SLC22A2: variants seen among roughly 807,000 people sequenced by gnomAD.
The protein encoded by SLC22A2 is organic cation transporter 2.
SLC22A2 carries 46 observed loss-of-function variants against 60.5 expected under a neutral mutation model. That is an observed-to-expected ratio of 0.76 (90% CI 0.60 to 0.97). The LOEUF (loss-of-function observed/expected upper bound fraction) is 0.97, where lower values mean the gene tolerates loss of function less well. Ranked by LOEUF, SLC22A2 falls within the 50% of genes least tolerant of loss-of-function variation. The probability of loss-of-function intolerance (pLI) is 0.00; values close to 1 mark genes in which losing one functional copy is unlikely to be tolerated. For missense variants in SLC22A2, 701 were observed against 706.6 expected (o/e 0.99, Z 0.09); for synonymous variants, 303 against 267.0 (o/e 1.13, Z -1.31).
chr6:160,246,674 G>T (rs1016468656), intron 5 of SLC22A2, among the ~76,000 whole-genome samples: 4 of 152,160 alleles, frequency 2.6e-5, no homozygotes, highest in Non-Finnish European at 4.4e-5. Flanking sequence ...TTGAACCTGG[G>T]AAGTGGAGAT....
In SLC22A2 at chr6:160,241,542, C is replaced by T. The variant is rs771197232; in HGVS notation, c.1433G>A (p.Gly478Asp). The T allele has an allele frequency of 3.1e-5, 50 of 1,613,446 alleles. No homozygotes were observed. The highest frequency in any genetic ancestry group is 1.3e-4 in the Admixed American group (8 of 59,962). The part of the protein sequence containing the change: ...HICSSMCDIG[G>D]IITPFLVYRL... Reference sequence around the variant, plus strand: ...GTAGACCAGGAATGGCGTGATGATGCCACCAATGTCACACATTGAGGAACA... The same window carrying T: ...GTAGACCAGGAATGGCGTGATGATGTCACCAATGTCACACATTGAGGAACA... The change falls in exon 9 of 11, where the codon GGC (glycine) becomes GAC (aspartate). Residue 478 changes from glycine (G) to aspartate (D), a missense_variant. Physicochemically the swap from Gly to Asp is moderately conservative, Grantham distance 94 (BLOSUM62 -1). Coordinates refer to ENST00000366953, the MANE Select transcript of SLC22A2 (RefSeq NM_003058.4).
intron 2 of SLC22A2, among the ~76,000 whole-genome samples, chr6:160,254,471 T>A (rs928164084): frequency 8.5e-5 from 13 of 152,300 alleles, no homozygotes; most frequent in African/African-American, 2.4e-4. Context: ...ACTGTTTTTT[T>A]AAAAAATTAT....
intron 9 of SLC22A2, among the ~76,000 whole-genome samples, chr6:160,227,313 G>A (rs1042757781): frequency 6.6e-6 from 1 of 152,066 alleles, no homozygotes; most frequent in Non-Finnish European, 1.5e-5. Context: ...CTTAACTCAG[G>A]CACTCTTTTC....
intron 2 of SLC22A2, among the ~76,000 whole-genome samples, chr6:160,252,519 A>G (rs1783204928): frequency 6.6e-6 from 1 of 152,220 alleles, no homozygotes; most frequent in Non-Finnish European, 1.5e-5. Context: ...TAGAGGTCTG[A>G]GACTCCTCCT....
intron 9 of SLC22A2, among the ~76,000 whole-genome samples, chr6:160,232,112 A>G (rs1293722555): frequency 2.6e-5 from 4 of 151,814 alleles, no homozygotes; most frequent in Admixed American, 6.6e-5. Flanking sequence ...TCCTTCAGCT[A>G]TACTCACTCT....
intron 9 of SLC22A2, among the ~76,000 whole-genome samples, chr6:160,233,728 C>A (rs1220653147): frequency 2.6e-5 from 4 of 151,778 alleles, no homozygotes; most frequent in African/African-American, 9.7e-5. Context: ...CGCCTTCTAA[C>A]AACCTTACCG....
intron 9 of SLC22A2, among the ~76,000 whole-genome samples, chr6:160,229,877 A>G (rs901374546): frequency 3.9e-5 from 6 of 151,998 alleles, no homozygotes; most frequent in African/African-American, 1.5e-4. Context: ...ATAGCCAGAA[A>G]ATGGCACTTT....
At chr6:160,254,762 C>G (rs1783241715) in intron 2 of SLC22A2, among the ~76,000 whole-genome samples, 2 of 152,104 alleles carry the variant, frequency 1.3e-5, no homozygotes, top group Non-Finnish European at 2.9e-5. Flanking sequence ...CTTACCTTGA[C>G]AGAGGGGATT....
intron 10 of SLC22A2, among the ~76,000 whole-genome samples, chr6:160,221,715 G>C (rs888675656): frequency 2.0e-5 from 3 of 152,208 alleles, no homozygotes; most frequent in African/African-American, 4.8e-5. Flanking sequence ...GAGGGAGAGA[G>C]ATGGGGGAAT....
intron 10 of SLC22A2, among the ~76,000 whole-genome samples, chr6:160,223,831 A>C (rs1197149419): frequency 1.3e-5 from 2 of 152,044 alleles, no homozygotes; most frequent in Non-Finnish European, 2.9e-5. Flanking sequence ...AGTTTCAAGC[A>C]ATTCTCCTGC....
At chr6:160,234,311 G>C (rs746428075) in intron 9 of SLC22A2, among the ~76,000 whole-genome samples, 2 of 152,130 alleles carry the variant, frequency 1.3e-5, no homozygotes, top group Non-Finnish European at 1.5e-5. Context: ...CTCTTCACAC[G>C]GACACGAGTG....
At chr6:160,241,164 T>C (rs889008529) in intron 9 of SLC22A2, among the ~76,000 whole-genome samples, 3 of 152,266 alleles carry the variant, frequency 2.0e-5, no homozygotes, top group Non-Finnish European at 4.4e-5. Context: ...GCTGGGAAAC[T>C]TTCTTCCTTC....
At chr6:160,250,726 G>A (rs1783170509) in intron 2 of SLC22A2, 24 bp from the exon 3 acceptor site, 4 of 1,608,406 alleles carry the variant, frequency 2.5e-6, no homozygotes, top group South Asian at 1.1e-5. Context: ...AACAAAGAGA[G>A]GGAATTGAAT....
At chr6:160,257,404 G>A (rs1783291679) in intron 1 of SLC22A2, among the ~76,000 whole-genome samples, 1 of 152,098 alleles carries the variant, frequency 6.6e-6, no homozygotes, top group African/African-American at 2.4e-5. Flanking sequence ...CATCTTTTAG[G>A]GCTAACCCTG....
chr6:160,224,835 A>C, intron 9 of SLC22A2, 31 bp from the exon 10 acceptor site: 1 of 1,324,174 alleles, frequency 7.6e-7, no homozygotes, highest in African/African-American at 1.5e-5. Flanking sequence ...TATCACATTA[A>C]GAACTGAAAA....
chr6:160,249,167 C>T lies in SLC22A2; in HGVS notation c.842+49G>A, dbSNP rs200221937. ...GCATTAAGGAAGGCAGACTTCTTAG[C>T]AGAATAAAATACTTTGATTTATTTC... On this transcript the variant is annotated intron_variant, in intron 4 of 10. Coordinates refer to ENST00000366953, the MANE Select transcript of SLC22A2 (RefSeq NM_003058.4). 5.3e-6 allele frequency: 7 copies of T among 1,325,688 alleles called. No homozygotes were observed. In the African/African-American group the frequency reaches 1.0e-4, roughly 20 times the overall value. The allele number at this position is 1,325,688 out of a possible 1,614,324, so 82.1% of individuals were successfully genotyped here.
chr6:160,242,215 T>A, intron 8 of SLC22A2, 79 bp downstream of exon 8: 1 of 836,764 alleles, frequency 1.2e-6, no homozygotes, highest in Non-Finnish European at 2.1e-6. Context: ...TAAGATATCC[T>A]TTGTCTGCAC....
chr6:160,220,272 A>G (rs914730298), intron 10 of SLC22A2, among the ~76,000 whole-genome samples: 2 of 152,262 alleles, frequency 1.3e-5, no homozygotes, highest in Admixed American at 1.3e-4. Context: ...TTCTAAGCTC[A>G]TCTGTAAGAA....
intron 4 of SLC22A2, among the ~76,000 whole-genome samples, chr6:160,248,112 C>T (rs1347409225): frequency 3.9e-5 from 6 of 152,182 alleles, no homozygotes; most frequent in African/African-American, 7.2e-5. Context: ...CCCGCTGAAG[C>T]GCATGCACTG....
Sources: allele counts gnomAD v4.1 joint callset (sites outside exome capture counted in the v4.1 genomes callset), GRCh38; gene constraint gnomAD v4.1.1; transcripts MANE v1.5; gene names NCBI Gene and HGNC (gene_info 2026-07-23, HGNC 2026-07-21).